The following NLRP8 variants were observed in gnomAD, a reference collection of about 807,000 sequenced individuals.
NLRP8 encodes the protein NLR family pyrin domain containing 8.
A neutral mutation model predicts 88.7 loss-of-function variants in NLRP8; 86 were observed. The observed-to-expected ratio is 0.97, with a 90% CI of 0.81 to 1.16. NLRP8 has a LOEUF of 1.16. Ranked by LOEUF, NLRP8 falls within the 50% of genes most tolerant of loss-of-function variation. The probability of loss-of-function intolerance (pLI) is 0.00; values close to 1 mark genes in which losing one functional copy is unlikely to be tolerated. For missense variants in NLRP8, 1,342 were observed against 1,286.5 expected (o/e 1.04, Z -0.66); for synonymous variants, 504 against 494.6 (o/e 1.02, Z -0.25).
chr19:55,982,329 T>G (rs1284737866), intron 9 of NLRP8, among the ~76,000 whole-genome samples: 4 of 152,180 alleles, frequency 2.6e-5, no homozygotes, highest in African/African-American at 9.7e-5. Context: ...CAGAGAGATA[T>G]CTGCACTTCC....
Position 55,948,010 on chromosome 19 carries a change from A to T in NLRP8, c.108A>T (p.Pro36=). 6.2e-7 allele frequency: 1 copy of T among 1,613,914 alleles called. No individual in the cohort carries two copies. Among genetic ancestry groups the T allele is most frequent in the Non-Finnish European group, 8.5e-7 (1 of 1,179,986 alleles). The change falls in exon 1 of 10, where the codon CCA becomes CCT. Residue 36 remains proline, a synonymous_variant. Transcript: ENST00000291971. ...CATTCTCTTGCTACCCCGGCTCCCC[A>T]TGTGAAAATGGGGTCATGCTGTACA... is the stretch of plus-strand genomic sequence containing the variant.
chr19:55,978,381 A>G (rs994353929), intron 8 of NLRP8, among the ~76,000 whole-genome samples: 1 of 152,110 alleles, frequency 6.6e-6, no homozygotes, highest in African/African-American at 2.4e-5. Context: ...TCTGCTGCTT[A>G]TAACAGAATA....
At chr19:55,979,842 C>G (rs767585023) in intron 9 of NLRP8, among the ~76,000 whole-genome samples, 7 of 152,036 alleles carry the variant, frequency 4.6e-5, no homozygotes, top group Non-Finnish European at 1.0e-4. Context: ...TCACTTGGGC[C>G]CAGGAGGTTG....
chr19:55,958,422 C>G (rs1979469136), intron 3 of NLRP8, among the ~76,000 whole-genome samples: 1 of 152,214 alleles, frequency 6.6e-6, no homozygotes, highest in Non-Finnish European at 1.5e-5. Flanking sequence ...CCATTCTTCA[C>G]CATGACAAGC....
chr19:55,951,239 C>A (rs1568457845), intron 1 of NLRP8, among the ~76,000 whole-genome samples: 1 of 152,056 alleles, frequency 6.6e-6, no homozygotes, highest in Non-Finnish European at 1.5e-5. Flanking sequence ...TGTGGTTGAC[C>A]ACGAGCTCAA....
chr19:55,975,796 T>C (rs1980283729), intron 7 of NLRP8, among the ~76,000 whole-genome samples: 1 of 152,160 alleles, frequency 6.6e-6, no homozygotes. Flanking sequence ...AAGTGAGAAG[T>C]GGCTTCTAAA....
intron 1 of NLRP8, among the ~76,000 whole-genome samples, chr19:55,952,194 C>T (rs939491714): frequency 6.6e-5 from 10 of 152,148 alleles, no homozygotes; most frequent in African/African-American, 1.4e-4. Context: ...TACACCCCTA[C>T]GTAGATATTA....
chr19:55,973,713 A>G lies in NLRP8; in HGVS notation c.2596A>G (p.Ser866Gly). The G allele has an allele frequency of 6.2e-7, 1 of 1,613,996 alleles. No homozygotes were observed. Among genetic ancestry groups the G allele is most frequent in the South Asian group, 1.1e-5 (1 of 91,022 alleles). ...AAGCCTTGCCTCCTGTCTCAGGCAG[A>G]GTAAGATGCTGACCCACCTGAGCTT... is the stretch of plus-strand genomic sequence containing the variant. The change falls in exon 7 of 10, where the codon AGT becomes GGT. Residue 866 changes from serine (S) to glycine (G), a missense_variant. By Grantham distance (56) the Ser-to-Gly change is moderately conservative (BLOSUM62 0). Transcript: ENST00000291971.
rs1445062428 is a variant in NLRP8 at position 55,955,580 on chromosome 19, G to C, written c.1522G>C (p.Val508Leu). 36 of 1,614,124 alleles carry C rather than the reference G, an allele frequency of 2.2e-5. No homozygotes were observed. Among genetic ancestry groups the C allele is most frequent in the Non-Finnish European group, 3.0e-5 (35 of 1,180,028 alleles). The change falls in exon 3 of 10, where the codon GTG (valine) becomes CTG (leucine). Residue 508 changes from valine to leucine, a missense_variant. By Grantham distance (32) the Val-to-Leu change is conservative. Transcript: ENST00000291971. Reference sequence around the variant, plus strand: ...GGAAGACCACTATGTCTTTACCCTCGTGACTTTTCAGGAATTTTTTGCGGC... The same window carrying C: ...GGAAGACCACTATGTCTTTACCCTCCTGACTTTTCAGGAATTTTTTGCGGC...
At chr19:55,963,302 C>T (rs1979696728) in intron 4 of NLRP8, among the ~76,000 whole-genome samples, 1 of 152,184 alleles carries the variant, frequency 6.6e-6, no homozygotes, top group Non-Finnish European at 1.5e-5. Flanking sequence ...ATGTGACCCA[C>T]CATGCCCAGC....
At chr19:55,949,431 T>C (rs1262194466) in intron 1 of NLRP8, among the ~76,000 whole-genome samples, 3 of 152,018 alleles carry the variant, frequency 2.0e-5, no homozygotes, top group African/African-American at 7.2e-5. Flanking sequence ...AGAAACGGGG[T>C]TTCACCATGT....
intron 1 of NLRP8, among the ~76,000 whole-genome samples, chr19:55,949,533 C>T (rs1489482015): frequency 5.9e-5 from 9 of 152,236 alleles, no homozygotes; most frequent in South Asian, 2.1e-4. Context: ...CCACCACACC[C>T]GGCCTAGATA....
rs1432172516 is a variant in NLRP8, at chr19:55,954,877, GATT to G, written c.822_824del (p.Ile274del). The G allele has an allele frequency of 6.2e-7, 1 of 1,614,180 alleles. No individual in the cohort carries two copies. The highest frequency in any genetic ancestry group is 8.5e-7 in the Non-Finnish European group (1 of 1,180,044). On this transcript the variant is annotated inframe_deletion, in exon 3 of 10. Coordinates refer to ENST00000291971, the MANE Select transcript of NLRP8 (RefSeq NM_176811.2). ...CTGGATCTCAGGACCTCGTGTCAAA[GATT>G]ATGTCCAAACCCGACCAACTTCTGC... is the stretch of plus-strand genomic sequence containing the variant.
chr19:55,983,463 C>CAAAAAAAAA (rs3974175), intron 9 of NLRP8, among the ~76,000 whole-genome samples: 3 of 85,328 alleles, frequency 3.5e-5, no homozygotes, highest in Non-Finnish European at 6.4e-5. Flanking sequence ...GACTCCATCT[C>CAAAAAAAAA]AAAAAAAAAA....
chr19:55,955,444 G>T lies in NLRP8; in HGVS notation c.1386G>T (p.Met462Ile). Residue 462 changes from methionine (M) to isoleucine (I), a missense_variant, in exon 3 of 10, where the codon ATG becomes ATT. Met to Ile is a conservative substitution (Grantham distance 10). Transcript: ENST00000291971. ...TGTGTCACTTGGCCGCAGACAGCAT[G>T]TGGCACAGGAAATGGGTGTTAGGTA... The T allele has an allele frequency of 6.2e-7, 1 of 1,614,226 alleles. No homozygotes were observed. The highest frequency in any genetic ancestry group is 2.2e-5 in the East Asian group (1 of 44,882).
intron 9 of NLRP8, among the ~76,000 whole-genome samples, chr19:55,986,291 C>T (rs572004537): frequency 5.3e-5 from 8 of 151,274 alleles, no homozygotes; most frequent in African/African-American, 2.0e-4. Context: ...CACACTCACA[C>T]ACACACTCTA....
At position 55,976,007 on chromosome 19, in the gene NLRP8, A is replaced by C. The variant is rs1481628343; in HGVS notation, c.2706-126A>C. On this transcript the variant is annotated intron_variant, in intron 7 of 9. Coordinates refer to ENST00000291971, the MANE Select transcript of NLRP8 (RefSeq NM_176811.2). Reference sequence around the variant, plus strand: ...GCAAAAACAAAAAACAAACAAACAAAACAAACAAATAAAAACAGAACCCAA... The same window carrying C: ...GCAAAAACAAAAAACAAACAAACAACACAAACAAATAAAAACAGAACCCAA... 9.4e-6 allele frequency: 9 copies of C among 961,620 alleles called. No homozygotes were observed. The Admixed American group carries it at 2.0e-4, about 21-fold the overall frequency. 59.6% of individuals were successfully genotyped at this position (961,620 alleles called of 1,614,324 possible). A position where few individuals can be genotyped will look rare whatever the true frequency, so the allele number is the denominator to read the frequency against.
chr19:55,986,504 A>C (rs1047978197), intron 9 of NLRP8, among the ~76,000 whole-genome samples: 1 of 151,238 alleles, frequency 6.6e-6, no homozygotes, highest in Non-Finnish European at 1.5e-5. Context: ...ACACACACAC[A>C]CACACTAATT....
intron 6 of NLRP8, among the ~76,000 whole-genome samples, chr19:55,971,808 A>T (rs1980086228): frequency 1.3e-5 from 2 of 152,142 alleles, no homozygotes; most frequent in Admixed American, 6.6e-5. Context: ...CTAACTCCAG[A>T]TCCCTATCCA....
Sources: allele counts gnomAD v4.1 joint callset (sites outside exome capture counted in the v4.1 genomes callset), GRCh38; gene constraint gnomAD v4.1.1; transcripts MANE v1.5; gene names NCBI Gene and HGNC (gene_info 2026-07-23, HGNC 2026-07-21).